The following KHDRBS2 variants were observed in gnomAD, a reference collection of about 807,000 sequenced individuals.
The protein encoded by KHDRBS2 is KH domain-containing, RNA-binding, signal transduction-associated protein 2.
In KHDRBS2, 26 loss-of-function variants were observed where a neutral mutation model predicts 44.3. The observed-to-expected ratio is 0.59, with a 90% CI of 0.43 to 0.81. The LOEUF (loss-of-function observed/expected upper bound fraction) is 0.81. Among genes scored for constraint, KHDRBS2 ranks in the 40% least tolerant of loss-of-function variants. KHDRBS2 has a pLI of 0.00. For missense variants in KHDRBS2, 476 were observed against 433.1 expected (o/e 1.10, Z -0.88); for synonymous variants, 194 against 151.1 (o/e 1.28, Z -2.08).
At chr6:61,593,441 A>G in the KHDRBS2 span, among the ~76,000 whole-genome samples, 12 of 150,768 alleles carry the variant, frequency 8.0e-5, no homozygotes, top group Non-Finnish European at 1.8e-4. Flanking sequence ...AAAAGCCACA[A>G]TGAGCTGGAA....
intron 2 of KHDRBS2, among the ~76,000 whole-genome samples, chr6:62,169,439 A>C (rs1017987603): frequency 5.9e-5 from 9 of 152,034 alleles, no homozygotes; most frequent in African/African-American, 2.2e-4. Context: ...AGAAGCAAGA[A>C]GCTCATGTGT....
At chr6:61,754,348 T>C (rs1778165111) in intron 6 of KHDRBS2, among the ~76,000 whole-genome samples, 1 of 152,106 alleles carries the variant, frequency 6.6e-6, no homozygotes, top group Non-Finnish European at 1.5e-5. Context: ...GATTGAGAGC[T>C]CACCAATCTT....
chr6:62,174,259 A>C (rs1487126503), intron 2 of KHDRBS2, among the ~76,000 whole-genome samples: 22 of 151,776 alleles, frequency 1.4e-4, no homozygotes, highest in Non-Finnish European at 3.2e-4. Flanking sequence ...GCATTTCTAT[A>C]CACCAACATC....
chr6:62,034,822 A>G (rs1784989942), intron 3 of KHDRBS2, among the ~76,000 whole-genome samples: 1 of 151,980 alleles, frequency 6.6e-6, no homozygotes, highest in Admixed American at 6.6e-5. Context: ...AAAAATGTCC[A>G]AAAGATCAGA....
chr6:62,062,946 T>G (rs1792391939), intron 2 of KHDRBS2, among the ~76,000 whole-genome samples: 1 of 150,078 alleles, frequency 6.7e-6, no homozygotes, highest in Non-Finnish European at 1.5e-5. Flanking sequence ...ATAAAGGGGA[T>G]ATCACCACCG....
intron 6 of KHDRBS2, among the ~76,000 whole-genome samples, chr6:61,752,620 T>A (rs1777861725): frequency 6.7e-6 from 1 of 149,866 alleles, no homozygotes; most frequent in African/African-American, 2.5e-5. Context: ...TTGACATGTA[T>A]GTTTTGAGTC....
intron 6 of KHDRBS2, among the ~76,000 whole-genome samples, chr6:61,797,331 A>T (rs1582891482): frequency 6.6e-6 from 1 of 152,076 alleles, no homozygotes; most frequent in Admixed American, 6.6e-5. Flanking sequence ...ATTTCAATTA[A>T]TTTTCATCAC....
At chr6:61,903,181 A>G (rs1318767551) in intron 4 of KHDRBS2, among the ~76,000 whole-genome samples, 1 of 152,246 alleles carries the variant, frequency 6.6e-6, no homozygotes, top group Non-Finnish European at 1.5e-5. Context: ...ATGAATTGCC[A>G]CTACTGAGTG....
At chr6:62,103,329 C>T (rs1802335995) in intron 2 of KHDRBS2, among the ~76,000 whole-genome samples, 1 of 152,168 alleles carries the variant, frequency 6.6e-6, no homozygotes. Flanking sequence ...AGCCTTCAGC[C>T]CCCTGGCCTG....
rs1828052154 is a variant in KHDRBS2 at position 62,206,803 on chromosome 6, G to A, written c.92-29491C>T. Among the ~76,000 whole-genome samples the A allele has an allele frequency of 2.0e-5, 3 of 152,092 alleles. No homozygotes were observed. The South Asian group carries it at 6.2e-4, about 31-fold the overall frequency. On this transcript the variant is annotated intron_variant, in intron 1 of 8. Coordinates refer to ENST00000281156, the MANE Select transcript of KHDRBS2 (RefSeq NM_152688.4). ...TTACGTGGACAGTATATGAGGACAA[G>A]AACTGGGGACAGAAGCTAAAGAATA... is the stretch of plus-strand genomic sequence containing the variant.
At position 61,866,521 on chromosome 6, in the gene KHDRBS2, A is replaced by AT. The variant is rs1312835860; in HGVS notation, c.810+28113dup. On this transcript the variant is annotated intron_variant, in intron 6 of 8. Coordinates refer to ENST00000281156, the MANE Select transcript of KHDRBS2 (RefSeq NM_152688.4). ...AAAACCTCTGACATGCTCTGGAGAT[A>AT]TTTTTTCACATTGTCTTGGTGATTA... Among the ~76,000 whole-genome samples, 3 of 152,062 alleles carry AT rather than the reference A, an allele frequency of 2.0e-5. No homozygotes were observed. In the East Asian group the frequency reaches 5.8e-4, roughly 29 times the overall value.
At chr6:61,839,219 T>A (rs538914330) in intron 6 of KHDRBS2, among the ~76,000 whole-genome samples, 1 of 152,258 alleles carries the variant, frequency 6.6e-6, no homozygotes, top group Non-Finnish European at 1.5e-5. Context: ...TTGCAATATC[T>A]ACTTTTCTTA....
intron 6 of KHDRBS2, 82 bp downstream of exon 6, chr6:61,894,553 C>T (rs569577050): frequency 6.5e-6 from 7 of 1,083,580 alleles, no homozygotes; most frequent in Admixed American, 2.3e-5. Context: ...GCTATATTCA[C>T]GGTATATGAA....
intron 7 of KHDRBS2, among the ~76,000 whole-genome samples, chr6:61,705,909 T>C (rs1170628301): frequency 6.6e-6 from 1 of 151,836 alleles, no homozygotes; most frequent in Non-Finnish European, 1.5e-5. Context: ...TGAAAATCCA[T>C]CTTTATATGT....
chr6:61,876,161 C>T (rs1455123747), intron 6 of KHDRBS2, among the ~76,000 whole-genome samples: 1 of 151,956 alleles, frequency 6.6e-6, no homozygotes, highest in African/African-American at 2.4e-5. Flanking sequence ...TTCAGTTGTT[C>T]CCTCTATGCC....
intron 1 of KHDRBS2, among the ~76,000 whole-genome samples, chr6:62,205,662 GT>G (rs1236081252): frequency 3.3e-5 from 5 of 152,078 alleles, no homozygotes; most frequent in African/African-American, 1.2e-4. Flanking sequence ...GAGATGCAGG[GT>G]GAGGCAAAAA....
intron 6 of KHDRBS2, among the ~76,000 whole-genome samples, chr6:61,759,426 A>G (rs576093406): frequency 1.1e-4 from 16 of 152,344 alleles, no homozygotes; most frequent in African/African-American, 3.6e-4. Flanking sequence ...TTAAGAAAGC[A>G]GTTTTAATAG....
At chr6:62,120,274 G>A (rs1807298406) in intron 2 of KHDRBS2, among the ~76,000 whole-genome samples, 1 of 151,872 alleles carries the variant, frequency 6.6e-6, no homozygotes, top group Admixed American at 6.6e-5. Flanking sequence ...AGGAACATAG[G>A]GATGCTAGAG....
intron 6 of KHDRBS2, among the ~76,000 whole-genome samples, chr6:61,843,296 A>G (rs1793871768): frequency 6.6e-6 from 1 of 150,922 alleles, no homozygotes; most frequent in East Asian, 1.9e-4. Flanking sequence ...AAATTTACCA[A>G]ATTTTTTAGA....
Sources: allele counts gnomAD v4.1 joint callset (sites outside exome capture counted in the v4.1 genomes callset), GRCh38; gene constraint gnomAD v4.1.1; transcripts MANE v1.5; gene names NCBI Gene and HGNC (gene_info 2026-07-23, HGNC 2026-07-21).